TNIP3: variants seen among roughly 807,000 people sequenced by gnomAD.
TNIP3 encodes TNFAIP3-interacting protein 3.
A neutral mutation model predicts 54.1 loss-of-function variants in TNIP3; 34 were observed. The observed-to-expected ratio is 0.63, with a 90% CI of 0.48 to 0.84. TNIP3 has a LOEUF of 0.84. TNIP3 is among the 40% of genes least tolerant of loss of function. The probability of loss-of-function intolerance (pLI) is 0.00; values close to 1 mark genes in which losing one functional copy is unlikely to be tolerated. For synonymous variants in TNIP3, 134 were observed against 136.8 expected (o/e 0.98, Z 0.14); for missense variants, 366 against 387.6 (o/e 0.94, Z 0.47).
intron 2 of TNIP3, among the ~76,000 whole-genome samples, chr4:121,201,502 T>C (rs1438536625): frequency 1.3e-5 from 2 of 152,226 alleles, no homozygotes; most frequent in Admixed American, 6.5e-5. Context: ...TTCTACAGCA[T>C]GAGTATCATG....
At chr4:121,210,348 AG>A (rs1285364541) in intron 2 of TNIP3, among the ~76,000 whole-genome samples, 1 of 152,202 alleles carries the variant, frequency 6.6e-6, no homozygotes, top group Non-Finnish European at 1.5e-5. Flanking sequence ...GAATAACAGA[AG>A]TATTGGTGGT....
At chr4:121,188,860 CT>C (rs1364361864) in intron 2 of TNIP3, among the ~76,000 whole-genome samples, 1 of 152,120 alleles carries the variant, frequency 6.6e-6, no homozygotes, top group Non-Finnish European at 1.5e-5. Context: ...ATGTTTTTAA[CT>C]TTTTGTAAAT....
At chr4:121,144,522 C>A (rs1195104263) in intron 7 of TNIP3, among the ~76,000 whole-genome samples, 16 of 152,170 alleles carry the variant, frequency 1.1e-4, no homozygotes. Context: ...CTGCCTCAGC[C>A]TCCAAAATAG....
At chr4:121,136,338 T>C (rs1003961952) in intron 10 of TNIP3, among the ~76,000 whole-genome samples, 9 of 152,130 alleles carry the variant, frequency 5.9e-5, no homozygotes, top group African/African-American at 2.2e-4. Context: ...TTCAATAAAG[T>C]GAGAGAGGTA....
chr4:121,216,431 A>G, exon 2 of TNIP3: 1 of 1,535,630 alleles, frequency 6.5e-7, no homozygotes, highest in Middle Eastern at 1.7e-4. Flanking sequence ...GAATCTTCAG[A>G]TTGATTGGTG....
At chr4:121,169,562 A>T (rs1334636643) in intron 3 of TNIP3, among the ~76,000 whole-genome samples, 1 of 152,124 alleles carries the variant, frequency 6.6e-6, no homozygotes, top group East Asian at 1.9e-4. Context: ...CTCGAGCCCA[A>T]AGTAGTGCCA....
At chr4:121,213,839 CA>C (rs984125235) in intron 2 of TNIP3, among the ~76,000 whole-genome samples, 2 of 151,832 alleles carry the variant, frequency 1.3e-5, no homozygotes, top group African/African-American at 4.8e-5. Flanking sequence ...AAGAGTACTT[CA>C]AAAAAAGGAT....
rs967236327 is a variant in TNIP3 at position 121,141,875 on chromosome 4, G to C, written c.826C>G (p.Leu276Val). 3 of 1,599,876 alleles carry C rather than the reference G, an allele frequency of 1.9e-6. No individual in the cohort carries two copies. Among genetic ancestry groups the C allele is most frequent in the African/African-American group, 2.7e-5 (2 of 74,130 alleles). The change falls in exon 9 of 11, where the codon CTG (leucine) becomes GTG (valine). Residue 276 changes from leucine (L) to valine (V), a missense_variant. Coordinates refer to ENST00000057513, the MANE Select transcript of TNIP3 (RefSeq NM_024873.6). ...PPCNCGLVFH[L>V]QDPWVPTGPG... ...CCTGTTGGTACCCATGGATCTTGCA[G>C]GTGGAAAACCAAGCCGCAGTTACAG...
At chr4:121,182,877 C>T (rs1724795914) in intron 2 of TNIP3, 2 of 1,380,282 alleles carry the variant, frequency 1.4e-6, no homozygotes, top group Non-Finnish European at 2.0e-6. Flanking sequence ...TTATGGATGA[C>T]ATGGAGGTGT....
intron 10 of TNIP3, among the ~76,000 whole-genome samples, chr4:121,132,925 C>T (rs1337218028): frequency 1.3e-5 from 2 of 152,088 alleles, no homozygotes; most frequent in Non-Finnish European, 2.9e-5. Flanking sequence ...ATGTTCTATA[C>T]TAATTCTCAC....
rs1726803420 is a variant in TNIP3 at position 121,216,554 on chromosome 4, T to C, written c.-19+32A>G. On this transcript the variant is annotated intron_variant, in intron 1 of 12. Coordinates refer to the TNIP3 transcript ENST00000507879. ...GGCTCAGATGTACGTCAAGGGAAGT[T>C]AACTATGTCAGTCACCAAAGGAGAA... The C allele has an allele frequency of 9.2e-6, 14 of 1,528,982 alleles. No homozygotes were observed. In the South Asian group the frequency reaches 1.7e-4, roughly 19 times the overall value. The allele number at this position is 1,528,982 out of a possible 1,614,324, so 94.7% of individuals were successfully genotyped here. A position where few individuals can be genotyped will look rare whatever the true frequency, so the allele number is the denominator to read the frequency against.
chr4:121,147,196 T>A lies in TNIP3; in HGVS notation c.610-22A>T, dbSNP rs748252106. ...GCACCTAAGAAATATTAGCTTGCTG[T>A]TACTGTAAGCTTCCTTTTCACTTAA... On this transcript the variant is annotated intron_variant, in intron 6 of 10. Coordinates refer to ENST00000057513, the MANE Select transcript of TNIP3 (RefSeq NM_024873.6). 3 of 1,597,784 alleles carry A rather than the reference T, an allele frequency of 1.9e-6. No individual in the cohort carries two copies. In the Admixed American group the frequency reaches 5.3e-5, roughly 28 times the overall value.
chr4:121,158,592 G>T (rs1560654743), intron 3 of TNIP3, 95 bp downstream of exon 3: 3 of 1,000,102 alleles, frequency 3.0e-6, no homozygotes, highest in African/African-American at 3.2e-5. Context: ...TATCCACAAA[G>T]CTCTTTGTAG....
At chr4:121,200,139 GC>G (rs1463416317) in intron 2 of TNIP3, among the ~76,000 whole-genome samples, 43 of 151,774 alleles carry the variant, frequency 2.8e-4, no homozygotes, top group Non-Finnish European at 3.2e-4. Context: ...TTCCTTTACT[GC>G]CCCCACATGG....
chr4:121,150,748 T>G (rs1317613964), intron 5 of TNIP3, among the ~76,000 whole-genome samples: 1 of 152,184 alleles, frequency 6.6e-6, no homozygotes, highest in Non-Finnish European at 1.5e-5. Flanking sequence ...ATGGCATGCC[T>G]CCAACAAGAG....
intron 2 of TNIP3, among the ~76,000 whole-genome samples, chr4:121,187,942 TC>T (rs1725109319): frequency 6.6e-6 from 1 of 151,986 alleles, no homozygotes; most frequent in Non-Finnish European, 1.5e-5. Flanking sequence ...TTTCTTTCTT[TC>T]CTTTTTTTTA....
At chr4:121,150,564 A>G (rs1296569161) in intron 5 of TNIP3, among the ~76,000 whole-genome samples, 2 of 152,186 alleles carry the variant, frequency 1.3e-5, no homozygotes, top group Non-Finnish European at 2.9e-5. Flanking sequence ...TACCCTTTCA[A>G]TGATGCTTAG....
Position 121,164,204 on chromosome 4 carries a change from G to T in TNIP3, c.-79C>A. ...TCTCTTAAGGTATATTTTAGGGTGA[G>T]AGCAAGTATACAAAATTTAAAAAAC... On this transcript the variant is annotated 5_prime_UTR_variant, in exon 1 of 11. Coordinates refer to ENST00000057513, the MANE Select transcript of TNIP3 (RefSeq NM_024873.6). The T allele has an allele frequency of 6.3e-7, 1 of 1,598,852 alleles. No homozygotes were observed. The highest frequency in any genetic ancestry group is 1.1e-5 in the South Asian group (1 of 89,076).
intron 3 of TNIP3, among the ~76,000 whole-genome samples, chr4:121,169,492 C>T (rs569135983): frequency 7.9e-5 from 12 of 152,130 alleles, no homozygotes; most frequent in East Asian, 7.7e-4. Flanking sequence ...GATTGCCTCC[C>T]GACACTAGCT....
Sources: gnomAD v4.1 joint callset for allele counts (sites outside exome capture counted in the v4.1 genomes callset) on GRCh38, gnomAD v4.1.1 for gene constraint, MANE v1.5 for transcripts, NCBI Gene and HGNC (gene_info 2026-07-23, HGNC 2026-07-21) for gene names.